Variants in SEMA5B observed in about 807,000 individuals in gnomAD.
SEMA5B encodes the protein semaphorin-5B.
Under a neutral mutation model 135.0 loss-of-function variants are expected in SEMA5B, and 66 were observed. The observed-to-expected ratio is 0.49, with a 90% CI of 0.40 to 0.60. The LOEUF (loss-of-function observed/expected upper bound fraction) is 0.60, where lower values mean the gene tolerates loss of function less well. SEMA5B is among the 20% of genes least tolerant of loss of function. The pLI is 0.00. For synonymous variants in SEMA5B, 690 were observed against 639.5 expected (o/e 1.08, Z -1.19); for missense variants, 1,501 against 1,566.3 (o/e 0.96, Z 0.70).
chr3:122,977,515 A>G (rs562045446), intron 1 of SEMA5B, among the ~76,000 whole-genome samples: 10 of 152,318 alleles, frequency 6.6e-5, no homozygotes, highest in Admixed American at 5.2e-4. Flanking sequence ...GGAGAGCATC[A>G]GGATCAGAAC....
intron 1 of SEMA5B, among the ~76,000 whole-genome samples, chr3:123,005,769 C>G (rs1413361052): frequency 6.6e-6 from 1 of 152,162 alleles, no homozygotes; most frequent in Admixed American, 6.5e-5. Context: ...AGAGAGCAAT[C>G]CTGATCCCTG....
At chr3:123,015,278 G>A (rs574716524) in intron 1 of SEMA5B, among the ~76,000 whole-genome samples, 1 of 152,220 alleles carries the variant, frequency 6.6e-6, no homozygotes, top group Non-Finnish European at 1.5e-5. Context: ...GTAAAATTGG[G>A]AAGATGTGGC....
rs1336545142 is a variant in SEMA5B at position 122,921,905 on chromosome 3, C to T, written c.1688+10G>A. The T allele has an allele frequency of 4.6e-6, 7 of 1,527,696 alleles. No individual in the cohort carries two copies. The South Asian group carries it at 7.2e-5, about 16-fold the overall frequency. 94.6% of individuals were successfully genotyped at this position (1,527,696 alleles called of 1,614,324 possible). On this transcript the variant is annotated intron_variant, in intron 12 of 22. Transcript: ENST00000357599. ...GTGGAGGCCTCGGGAGCCGCCCCGT[C>T]CCGGCTTACCCCTGGCTGCGGTAGG... is the stretch of plus-strand genomic sequence containing the variant.
chr3:122,940,348 C>T (rs1939498002), intron 4 of SEMA5B, among the ~76,000 whole-genome samples: 1 of 152,168 alleles, frequency 6.6e-6, no homozygotes, highest in Non-Finnish European at 1.5e-5. Context: ...GTCTCAGTGC[C>T]TGCATCTGTA....
chr3:122,959,846 A>G (rs1940497892), intron 2 of SEMA5B, among the ~76,000 whole-genome samples: 1 of 152,208 alleles, frequency 6.6e-6, no homozygotes, highest in Non-Finnish European at 1.5e-5. Context: ...TAATATCATG[A>G]GTAGGATTTT....
Position 122,913,072 on chromosome 3 carries a change from G to T in SEMA5B, c.2507-11C>A, listed in dbSNP as rs1218944823. 3.4e-6 allele frequency: 5 copies of T among 1,453,340 alleles called. No individual in the cohort carries two copies. Among genetic ancestry groups the T allele is most frequent in the South Asian group, 1.4e-5 (1 of 69,714 alleles). The allele number at this position is 1,453,340 out of a possible 1,614,324, so 90.0% of individuals were successfully genotyped here. Reference sequence around the variant, plus strand: ...GGACCTCCACCAGGGCTGCGGAGGGGCTAGGCCTCAGCGACTGGGCGCCCG... The same window carrying T: ...GGACCTCCACCAGGGCTGCGGAGGGTCTAGGCCTCAGCGACTGGGCGCCCG... On this transcript the variant is annotated splice_polypyrimidine_tract_variant and intron_variant, in intron 17 of 22. Coordinates refer to ENST00000357599, the MANE Select transcript of SEMA5B (RefSeq NM_001031702.4).
intron 1 of SEMA5B, among the ~76,000 whole-genome samples, chr3:123,005,429 A>G (rs1393241562): frequency 1.3e-5 from 2 of 152,148 alleles, no homozygotes; most frequent in Non-Finnish European, 2.9e-5. Context: ...TGGTGCGATC[A>G]TAGCTCACCA....
intron 1 of SEMA5B, among the ~76,000 whole-genome samples, chr3:123,022,405 T>A (rs1942704984): frequency 5.3e-5 from 8 of 152,214 alleles, no homozygotes; most frequent in Admixed American, 5.2e-4. Context: ...GATTAAGTCA[T>A]CCTTATTAAA....
At chr3:122,995,063 A>G (rs1941993773) in intron 1 of SEMA5B, among the ~76,000 whole-genome samples, 1 of 152,104 alleles carries the variant, frequency 6.6e-6, no homozygotes, top group African/African-American at 2.4e-5. Context: ...GAGGGGCAAC[A>G]TGTCAGGTTG....
intron 2 of SEMA5B, among the ~76,000 whole-genome samples, chr3:122,957,832 C>T (rs1172758444): frequency 1.6e-4 from 24 of 152,242 alleles, no homozygotes. Context: ...TCACCATCCT[C>T]CCTGGAGGAC....
At position 122,915,582 on chromosome 3, in the gene SEMA5B, A is replaced by T. The variant is rs1454102685; in HGVS notation, c.1846T>A (p.Ser616Thr). ...VTRDGGFGPW[S>T]PWQPCEHLDG... ...AAGTGCTCACATGGTTGCCATGGTG[A>T]CCATGGGCCGAAGCCCCCATCCCGT... The change falls in exon 14 of 23, where the codon TCA (serine) becomes ACA (threonine). Residue 616 changes from serine (S) to threonine (T), a missense_variant. By Grantham distance (58) the Ser-to-Thr change is moderately conservative. This residue lies in a region of SEMA5B where 927 missense variants were observed against 881.6 expected (regional missense o/e 1.05). Coordinates refer to ENST00000357599, the MANE Select transcript of SEMA5B (RefSeq NM_001031702.4). 4 of 1,613,760 alleles carry T rather than the reference A, an allele frequency of 2.5e-6. No individual in the cohort carries two copies. Among genetic ancestry groups the T allele is most frequent in the Non-Finnish European group, 3.4e-6 (4 of 1,179,850 alleles).
intron 10 of SEMA5B, 70 bp from the exon 11 acceptor site, chr3:122,922,517 C>G: frequency 7.0e-7 from 1 of 1,426,644 alleles, no homozygotes; most frequent in Admixed American, 2.0e-5. Context: ...CGGCTCCCTC[C>G]TCCTGGCAAC....
chr3:123,004,847 T>C (rs1329436116), intron 1 of SEMA5B, among the ~76,000 whole-genome samples: 1 of 152,178 alleles, frequency 6.6e-6, no homozygotes, highest in Non-Finnish European at 1.5e-5. Context: ...ACCTATCAAA[T>C]CTGAATCTCA....
In SEMA5B at chr3:122,913,901, G is replaced by A. The variant is rs767647903; in HGVS notation, c.2089C>T (p.Arg697Cys). 2.5e-6 allele frequency: 4 copies of A among 1,612,620 alleles called. No individual in the cohort carries two copies. Among genetic ancestry groups the A allele is most frequent in the Admixed American group, 1.7e-5 (1 of 59,962 alleles). ...CCCACGCAGATGCGGCCCCCGTGGC[G>A]GGGAGCAGGGTTGCTGCAACTTCGC... ...RQRSCSNPAP[R>C]HGGRICVGKS... The change falls in exon 15 of 23, where the codon CGC becomes TGC. Residue 697 changes from arginine to cysteine, a missense_variant. Transcript: ENST00000357599.
intron 1 of SEMA5B, among the ~76,000 whole-genome samples, chr3:123,001,231 C>T (rs2107758518): frequency 6.6e-6 from 1 of 152,218 alleles, no homozygotes; most frequent in South Asian, 2.1e-4. Context: ...GCATCCCCAC[C>T]CTCTCTCATA....
chr3:122,995,070 G>T lies in SEMA5B; in HGVS notation c.-39+32394C>A, dbSNP rs371655259. Among the ~76,000 whole-genome samples the T allele has an allele frequency of 2.0e-4, 30 of 152,280 alleles. 1 individual carries two copies. Among genetic ancestry groups the T allele is most frequent in the African/African-American group, 4.6e-4 (19 of 41,556 alleles). ...AAGAGGCAGAGGGGCAACATGTCAG[G>T]TTGGAAAAGTGAGTCCAGCCAAAGA... is the stretch of plus-strand genomic sequence containing the variant. On this transcript the variant is annotated intron_variant, in intron 1 of 22. Transcript: ENST00000357599.
intron 1 of SEMA5B, among the ~76,000 whole-genome samples, chr3:123,001,032 G>A (rs1478197720): frequency 6.6e-6 from 1 of 152,180 alleles, no homozygotes; most frequent in Non-Finnish European, 1.5e-5. Context: ...AGGCAGCCCT[G>A]GGAGGAGCAG....
intron 5 of SEMA5B, among the ~76,000 whole-genome samples, chr3:122,931,584 C>T (rs1030822981): frequency 4.6e-5 from 7 of 152,142 alleles, no homozygotes; most frequent in South Asian, 2.1e-4. Flanking sequence ...CAAAAAAATA[C>T]GCAAAATTGA....
At chr3:122,987,675 G>A (rs927693733) in intron 1 of SEMA5B, among the ~76,000 whole-genome samples, 2 of 152,142 alleles carry the variant, frequency 1.3e-5, no homozygotes, top group South Asian at 2.1e-4. Flanking sequence ...TGCTATGGAC[G>A]GACGCCCTGT....
Sources: gnomAD v4.1 joint callset for allele counts (sites outside exome capture counted in the v4.1 genomes callset) on GRCh38, gnomAD v4.1.1 for gene constraint, gnomAD v4.1.1 regional missense constraint, MANE v1.5 for transcripts, NCBI Gene and HGNC (gene_info 2026-07-23, HGNC 2026-07-21) for gene names.